Variants in ZNF12 observed in about 807,000 individuals in gnomAD.
The protein encoded by ZNF12 is gonadotropin inducible transcription repressor 3.
A neutral mutation model predicts 66.6 loss-of-function variants in ZNF12; 34 were observed. That is an observed-to-expected ratio of 0.51 (90% confidence interval 0.39 to 0.68). The LOEUF (loss-of-function observed/expected upper bound fraction) is 0.68. ZNF12 is among the 30% of genes least tolerant of loss of function. The pLI is 0.00. For synonymous variants in ZNF12, 320 were observed against 278.9 expected, an observed-to-expected ratio of 1.15 and a Z score of -1.47; for missense variants, 697 against 826.9, an observed-to-expected ratio of 0.84 and a Z score of 1.93.
Position 6,705,663 on chromosome 7 carries a change from G to A in ZNF12, c.-50-440C>T, listed in dbSNP as rs1413165085. Among the ~76,000 whole-genome samples the A allele has an allele frequency of 2.0e-5, 3 of 151,720 alleles. No homozygotes were observed. Among genetic ancestry groups the A allele is most frequent in the African/African-American group, 4.8e-5 (2 of 41,242 alleles). On this transcript the variant is annotated intron_variant, in intron 1 of 4. Transcript: ENST00000405858. This position sits in a 1 kb window ranked among gnomAD's most constrained non-coding sequence, Gnocchi z 4.0. Reference sequence around the variant, plus strand: ...GAACCCGGGAGGCGGAGGTTGCAGTGAGCTGGGATGGCACCATTGCACTCC... The same window carrying A: ...GAACCCGGGAGGCGGAGGTTGCAGTAAGCTGGGATGGCACCATTGCACTCC...
chr7:6,704,888 G>A (rs1471581629), intron 2 of ZNF12, among the ~76,000 whole-genome samples: 3 of 151,798 alleles, frequency 2.0e-5, no homozygotes, highest in African/African-American at 7.3e-5. Flanking sequence ...TACGGTCAAT[G>A]TAAGTCAAGG....
intron 2 of ZNF12, among the ~76,000 whole-genome samples, chr7:6,700,320 C>T (rs1780218198): frequency 6.8e-6 from 1 of 146,972 alleles, no homozygotes; most frequent in Admixed American, 6.7e-5. Context: ...CACACACACA[C>T]ACACACACAC....
Position 6,691,826 on chromosome 7 carries a change from C to T in ZNF12, c.1116G>A (p.Gln372=), listed in dbSNP as rs753214901. Residue 372 remains glutamine (Q), a synonymous_variant, in exon 5 of 5, where the codon CAG becomes CAA. Coordinates refer to ENST00000405858, the MANE Select transcript of ZNF12 (RefSeq NM_016265.4). ...FCQKTHLTQH[Q]RTHSGERPYV... is the part of the protein sequence containing the mutation. ...AAGGTCTCTCTCCTGAATGTGTTCT[C>T]TGATGTTGTGTGAGGTGTGTCTTCT... 1 of 1,614,118 alleles carries T rather than the reference C, an allele frequency of 6.2e-7. No homozygotes were observed. The highest frequency in any genetic ancestry group is 8.5e-7 in the Non-Finnish European group (1 of 1,179,994).
rs2115358588 is a variant in ZNF12 at position 6,705,743 on chromosome 7, AAAC to A, written c.-50-523_-50-521del. ...AAAAACAAACAAACAAACAAACAAA[AAAC>A]AAACAACAAAAAATGAATTCTGTAA... On this transcript the variant is annotated intron_variant, in intron 1 of 4. Coordinates refer to ENST00000405858, the MANE Select transcript of ZNF12 (RefSeq NM_016265.4). This position sits in a 1 kb window ranked among gnomAD's most constrained non-coding sequence, Gnocchi z 4.0. Among the ~76,000 whole-genome samples, 1 of 151,136 alleles carries A rather than the reference AAAC, an allele frequency of 6.6e-6. No homozygotes were observed. Among genetic ancestry groups the A allele is most frequent in the African/African-American group, 2.4e-5 (1 of 41,212 alleles).
Position 6,694,686 on chromosome 7 carries a change from C to T in ZNF12, c.239-1983G>A, listed in dbSNP as rs150889364. ...CAGCACATTTCACCTACAGTCTCCA[C>T]CCTTATTGTTTCACTCAGTTTGCTT... On this transcript the variant is annotated intron_variant, in intron 4 of 4. Transcript: ENST00000405858. 2.6e-5 allele frequency among the ~76,000 whole-genome samples: 4 copies of T among 152,252 alleles called. No individual in the cohort carries two copies. In the East Asian group the frequency reaches 7.7e-4, roughly 29 times the overall value.
chr7:6,697,495 A>C lies in ZNF12; in HGVS notation c.143-61T>G. The C allele has an allele frequency of 1.9e-6, 3 of 1,548,860 alleles. No homozygotes were observed. The South Asian group carries it at 3.5e-5, about 18-fold the overall frequency. The stretch of plus-strand genomic sequence containing the variant: ...GCCGGTTGGCTTCAGGGTCTCTGTC[A>C]TACAGGGAAAATTCCATTTGTGTCT... On this transcript the variant is annotated intron_variant, in intron 3 of 4. Transcript: ENST00000405858. This position sits in a 1 kb window ranked among gnomAD's most constrained non-coding sequence, Gnocchi z 6.1.
chr7:6,706,848 C>A lies in ZNF12; in HGVS notation c.-467G>T, dbSNP rs6952107. The A allele has an allele frequency of 5.5e-6, 2 of 363,114 alleles. No homozygotes were observed. The highest frequency in any genetic ancestry group is 1.1e-5 in the Non-Finnish European group (2 of 187,612). The allele number at this position is 363,114 out of a possible 1,614,324, so 22.5% of individuals were successfully genotyped here. A position where few individuals can be genotyped will look rare whatever the true frequency, so the allele number is the denominator to read the frequency against. On this transcript the variant is annotated 5_prime_UTR_variant, in exon 1 of 5. Transcript: ENST00000405858. ...CTTGGGTGCCGGCCCGGCTCTTCGGCGCCCAGCCCCGCAGGCTCCGCGATT... is the reference window on the plus strand; with the variant it reads ...CTTGGGTGCCGGCCCGGCTCTTCGGAGCCCAGCCCCGCAGGCTCCGCGATT...
In ZNF12 at chr7:6,690,630, A is replaced by G. The variant is rs554122523; in HGVS notation, c.*218T>C. 271 of 489,538 alleles carry G rather than the reference A, an allele frequency of 5.5e-4. 1 individual carries two copies. The highest frequency in any genetic ancestry group is 2.1e-3 in the Middle Eastern group (4 of 1,908). 30.3% of individuals were successfully genotyped at this position (489,538 alleles called of 1,614,324 possible). A position where few individuals can be genotyped will look rare whatever the true frequency, so the allele number is the denominator to read the frequency against. On this transcript the variant is annotated 3_prime_UTR_variant, in exon 5 of 5. Transcript: ENST00000405858. ...ATGTATATACATTCTTAATATTTAT[A>G]AATTTTTACTTGTCTATAGTCTAGT...
Position 6,705,160 on chromosome 7 carries a change from AG to A in ZNF12, c.13del (p.Leu5TrpfsTer27). ...AAATACATGAACAGAAACACTCACC[AG>A]GGATTTATTCATTTTCTGCTGCTCT... MNKS[L>X]GPVSFKDVAV... On this transcript the variant is annotated frameshift_variant and splice_region_variant, in exon 2 of 5. Coordinates refer to ENST00000405858, the MANE Select transcript of ZNF12 (RefSeq NM_016265.4). LOFTEE classifies it high-confidence loss of function. The surrounding 1 kb of genome is among the most constrained non-coding windows in gnomAD (Gnocchi z 4.0). 3 of 1,613,768 alleles carry A rather than the reference AG, an allele frequency of 1.9e-6. No homozygotes were observed. The highest frequency in any genetic ancestry group is 2.5e-6 in the Non-Finnish European group (3 of 1,179,748).
In ZNF12 at chr7:6,691,989, G is replaced by C. The variant is rs1272484548; in HGVS notation, c.953C>G (p.Thr318Arg). 4 of 1,613,932 alleles carry C rather than the reference G, an allele frequency of 2.5e-6. No homozygotes were observed. The highest frequency in any genetic ancestry group is 3.4e-6 in the Non-Finnish European group (4 of 1,179,988). Reference protein sequence around the residue: ...QKGTLTVHQRTHTGEKPYECN... With the variant: ...QKGTLTVHQRRHTGEKPYECN... ...TTCATAGGGCTTCTCCCCTGTGTGT[G>C]TTCTCTGATGCACAGTAAGGGTTCC... The change falls in exon 5 of 5, where the codon ACA becomes AGA. Residue 318 changes from threonine to arginine, a missense_variant. Thr to Arg is a moderately conservative substitution (Grantham distance 71, BLOSUM62 -1). Coordinates refer to ENST00000405858, the MANE Select transcript of ZNF12 (RefSeq NM_016265.4).
At chr7:6,701,613 A>C (rs558892793) in intron 2 of ZNF12, among the ~76,000 whole-genome samples, 11 of 152,192 alleles carry the variant, frequency 7.2e-5, no homozygotes, top group Non-Finnish European at 1.3e-4. Flanking sequence ...GGTGGTTAGG[A>C]TGCAGCTGCT....
chr7:6,702,327 A>ACACAC (rs1425204573), intron 2 of ZNF12, among the ~76,000 whole-genome samples: 1 of 63,534 alleles, frequency 1.6e-5, no homozygotes, highest in Non-Finnish European at 2.6e-5. Context: ...CACACACACC[A>ACACAC]GATTCGTCTC....
intron 2 of ZNF12, among the ~76,000 whole-genome samples, chr7:6,699,790 A>G (rs1257712656): frequency 6.6e-6 from 1 of 152,208 alleles, no homozygotes; most frequent in African/African-American, 2.4e-5. Context: ...AAGGACTTTC[A>G]AGGACTCATA....
intron 2 of ZNF12, among the ~76,000 whole-genome samples, chr7:6,700,304 T>TACACACACACAAACACAC (rs1554294765): frequency 7.7e-6 from 1 of 129,036 alleles, no homozygotes; most frequent in African/African-American, 3.1e-5. Context: ...AAAAAAAATA[T>TACACACACACAAACACAC]ACACACACAC....
At chr7:6,703,307 T>A (rs902021959) in intron 2 of ZNF12, among the ~76,000 whole-genome samples, 6 of 152,164 alleles carry the variant, frequency 3.9e-5, no homozygotes, top group South Asian at 2.1e-4. Flanking sequence ...AAATGCAATA[T>A]GCCTGGGCTT....
chr7:6,700,847 G>A (rs965367541), intron 2 of ZNF12: 28 of 152,236 alleles, frequency 1.8e-4, no homozygotes, highest in African/African-American at 6.8e-4. Context: ...GGTCTCCTGA[G>A]TGCCTTTACA....
In ZNF12 at chr7:6,692,609, T is replaced by C; in HGVS notation, c.333A>G (p.Glu111=). ...TTTTACCAGGAACATTACCTCTCTCTTCAATCAGGGTCTCAATGAACACAG... is the reference window on the plus strand; with the variant it reads ...TTTTACCAGGAACATTACCTCTCTCCTCAATCAGGGTCTCAATGAACACAG... The part of the protein sequence containing the change: ...RQTVFIETLI[E]ERGNVPGKTF... Residue 111 remains glutamate (E), a synonymous_variant, in exon 5 of 5, where the codon GAA becomes GAG. Coordinates refer to ENST00000405858, the MANE Select transcript of ZNF12 (RefSeq NM_016265.4). This position sits in a 1 kb window ranked among gnomAD's most constrained non-coding sequence, Gnocchi z 5.1. 1 of 1,613,880 alleles carries C rather than the reference T, an allele frequency of 6.2e-7. No homozygotes were observed. The highest frequency in any genetic ancestry group is 8.5e-7 in the Non-Finnish European group (1 of 1,179,828).
rs1396895006 is a variant in ZNF12, at chr7:6,692,485, A to T, written c.457T>A (p.Tyr153Asn). 6.2e-7 allele frequency: 1 copy of T among 1,613,052 alleles called. No homozygotes were observed. Among genetic ancestry groups the T allele is most frequent in the Non-Finnish European group, 8.5e-7 (1 of 1,179,628 alleles). The change falls in exon 5 of 5, where the codon TAT becomes AAT. Residue 153 changes from tyrosine (Y) to asparagine (N), a missense_variant. Tyr to Asn is a moderately radical substitution (Grantham distance 143). Transcript: ENST00000405858. The surrounding 1 kb of genome is among the most constrained non-coding windows in gnomAD (Gnocchi z 5.1). ...GCATAGCTTCCATCACTACTAATAT[A>T]TTCTGAAACAGACGTTAAACACTTT... ...CEKCLTSVSE[Y>N]ISSDGSYARM...
chr7:6,704,469 C>T (rs948273370), intron 2 of ZNF12, among the ~76,000 whole-genome samples: 2 of 150,604 alleles, frequency 1.3e-5, no homozygotes, highest in African/African-American at 4.9e-5. Context: ...TGGCTCATGC[C>T]TGTAAGCTCA....
Sources: allele counts gnomAD v4.1 joint callset (sites outside exome capture counted in the v4.1 genomes callset), GRCh38; gene constraint gnomAD v4.1.1; non-coding constraint Gnocchi (gnomAD v3.1); transcripts MANE v1.5; gene names NCBI Gene and HGNC (gene_info 2026-07-23, HGNC 2026-07-21).